MTCL2: variants seen among roughly 807,000 people sequenced by gnomAD.
MTCL2 encodes the protein microtubule cross-linking factor 2.
At chr20:36,812,340 C>T in the MTCL2 span, among the ~76,000 whole-genome samples, 1 of 152,182 alleles carries the variant, frequency 6.6e-6, no homozygotes, top group Non-Finnish European at 1.5e-5. Context: ...GATCTCACAG[C>T]CAGAATAGAG....
chr20:36,808,545 C>G, the MTCL2 span: 2 of 1,606,276 alleles, frequency 1.2e-6, no homozygotes, highest in African/African-American at 1.3e-5. Context: ...CTGGGCAAAA[C>G]CTTGCCCTGC....
the MTCL2 span, among the ~76,000 whole-genome samples, chr20:36,860,344 ATC>A: frequency 6.6e-6 from 1 of 151,928 alleles, no homozygotes; most frequent in East Asian, 1.9e-4. Context: ...CCTCATTATG[ATC>A]TGTGTTGTGA....
At chr20:36,831,098 T>G in the MTCL2 span, among the ~76,000 whole-genome samples, 1 of 152,188 alleles carries the variant, frequency 6.6e-6, no homozygotes, top group African/African-American at 2.4e-5. Flanking sequence ...CCCTGCTGGC[T>G]GGTTGAGGGA....
the MTCL2 span, chr20:36,815,360 C>T: frequency 7.4e-6 from 12 of 1,613,560 alleles, no homozygotes; most frequent in Non-Finnish European, 1.0e-5. The surrounding 1 kb of genome is among the most constrained non-coding windows in gnomAD (Gnocchi z 5.3). Flanking sequence ...GGGCCTCATG[C>T]AGCCGGAAGT....
chr20:36,863,535 G>A, the MTCL2 span: 3 of 282,704 alleles, frequency 1.1e-5, no homozygotes, highest in Non-Finnish European at 1.7e-5. This position sits in a 1 kb window ranked among gnomAD's most constrained non-coding sequence, Gnocchi z 6.2. Flanking sequence ...GGCTCGGAGA[G>A]TGCGGCCCGA....
chr20:36,794,727 G>C, the MTCL2 span: 1 of 1,223,354 alleles, frequency 8.2e-7, no homozygotes, highest in Non-Finnish European at 1.2e-6. The surrounding 1 kb of genome is among the most constrained non-coding windows in gnomAD (Gnocchi z 5.4). Context: ...ACCTCTTGTA[G>C]AGATGTTGTT....
the MTCL2 span, among the ~76,000 whole-genome samples, chr20:36,798,031 T>A: frequency 2.0e-5 from 3 of 152,060 alleles, no homozygotes; most frequent in Admixed American, 2.0e-4. Flanking sequence ...CACTTCCAGG[T>A]GGCTTGTGAT....
the MTCL2 span, among the ~76,000 whole-genome samples, chr20:36,852,934 G>C: frequency 6.6e-6 from 1 of 152,024 alleles, no homozygotes; most frequent in Non-Finnish European, 1.5e-5. Flanking sequence ...GCACATGCCT[G>C]TAGTCCCAGC....
chr20:36,783,062 G>A, the MTCL2 span: 2 of 152,104 alleles, frequency 1.3e-5, no homozygotes, highest in Non-Finnish European at 2.9e-5. Context: ...AGTGCATGCG[G>A]GTGGACATGA....
At chr20:36,811,962 G>T in the MTCL2 span, among the ~76,000 whole-genome samples, 1 of 152,200 alleles carries the variant, frequency 6.6e-6, no homozygotes, top group African/African-American at 2.4e-5. Context: ...GAGAAGCTCA[G>T]CAGGCTTAGA....
chr20:36,785,901 C>A, the MTCL2 span: 1 of 986,294 alleles, frequency 1.0e-6, no homozygotes, highest in Non-Finnish European at 1.2e-6. Context: ...CCCTATCATA[C>A]TCCCTAGTGT....
chr20:36,825,453 A>G, the MTCL2 span, among the ~76,000 whole-genome samples: 1 of 152,214 alleles, frequency 6.6e-6, no homozygotes, highest in Non-Finnish European at 1.5e-5. Flanking sequence ...CTATACCATA[A>G]TAAATCACGT....
the MTCL2 span, chr20:36,804,828 T>C: frequency 1.2e-6 from 2 of 1,613,956 alleles, no homozygotes; most frequent in Middle Eastern, 1.6e-4. Context: ...GACCACGGCG[T>C]TCATCCCGGA....
the MTCL2 span, among the ~76,000 whole-genome samples, chr20:36,853,891 C>T: frequency 1.3e-5 from 2 of 152,202 alleles, no homozygotes; most frequent in Non-Finnish European, 2.9e-5. Flanking sequence ...CAGGAAGCGC[C>T]TGACAGTTTC....
the MTCL2 span, among the ~76,000 whole-genome samples, chr20:36,861,100 C>T: frequency 3.3e-5 from 5 of 152,152 alleles, no homozygotes; most frequent in Admixed American, 2.6e-4. Context: ...TAGCAGGAAC[C>T]GGGAGGCAGG....
chr20:36,827,591 C>A, the MTCL2 span, among the ~76,000 whole-genome samples: 2 of 152,028 alleles, frequency 1.3e-5, no homozygotes, highest in Admixed American at 1.3e-4. Flanking sequence ...CTTGGCCTCC[C>A]AAAGTGCTGG....
chr20:36,808,479 A>C, the MTCL2 span: 3 of 1,546,434 alleles, frequency 1.9e-6, no homozygotes, highest in Non-Finnish European at 2.6e-6. Context: ...TCCCCAGCCC[A>C]CACTCCCAGT....
the MTCL2 span, chr20:36,839,185 C>T: frequency 6.4e-7 from 1 of 1,568,136 alleles, no homozygotes; most frequent in East Asian, 2.3e-5. The surrounding 1 kb of genome is among the most constrained non-coding windows in gnomAD (Gnocchi z 5.1). Flanking sequence ...TGGTCCCATC[C>T]CAGCAACAAG....
chr20:36,830,817 G>A, the MTCL2 span, among the ~76,000 whole-genome samples: 6 of 152,212 alleles, frequency 3.9e-5, no homozygotes, highest in Admixed American at 3.9e-4. Flanking sequence ...GCCTTGGCCT[G>A]GGGCCTGCAC....
Sources: gnomAD v4.1 joint callset for allele counts (sites outside exome capture counted in the v4.1 genomes callset) on GRCh38, gnomAD v4.1.1 for gene constraint, Gnocchi (gnomAD v3.1) non-coding constraint, MANE v1.5 for transcripts, NCBI Gene and HGNC (gene_info 2026-07-23, HGNC 2026-07-21) for gene names.